The following ATAD2B variants were observed in gnomAD, a reference collection of about 807,000 sequenced individuals.
ATAD2B encodes ATPase family AAA domain containing 2B, also known as ATPase family AAA domain-containing protein 2B.
A neutral mutation model predicts 167.6 loss-of-function variants in ATAD2B; 40 were observed. The ratio of observed to expected loss-of-function variants is 0.24; its 90% CI spans 0.19 to 0.31. The LOEUF is 0.31. Ranked by LOEUF, ATAD2B falls within the 10% of genes least tolerant of loss-of-function variation. The pLI, the probability that ATAD2B is intolerant of heterozygous loss-of-function variation, is 1.00. For missense variants in ATAD2B, 1,242 were observed against 1,757.2 expected (o/e 0.71, Z 5.24); for synonymous variants, 579 against 596.5 (o/e 0.97, Z 0.43).
chr2:23,805,520 G>A (rs935155853), intron 18 of ATAD2B, among the ~76,000 whole-genome samples: 1 of 152,004 alleles, frequency 6.6e-6, no homozygotes, highest in African/African-American at 2.4e-5. Context: ...TTTATGTTTC[G>A]TGTGGCAATT....
intron 10 of ATAD2B, among the ~76,000 whole-genome samples, chr2:23,866,912 ATAC>A (rs1695221333): frequency 6.6e-6 from 1 of 152,198 alleles, no homozygotes. Flanking sequence ...CCAAAATAAG[ATAC>A]TACTAACAAT....
At chr2:23,692,202 T>C in the ATAD2B span, among the ~76,000 whole-genome samples, 2 of 152,262 alleles carry the variant, frequency 1.3e-5, no homozygotes, top group East Asian at 3.8e-4. Flanking sequence ...GCTATGGCCC[T>C]GGCCTCACAG....
At chr2:23,704,557 AG>A in the ATAD2B span, among the ~76,000 whole-genome samples, 1 of 152,242 alleles carries the variant, frequency 6.6e-6, no homozygotes, top group African/African-American at 2.4e-5. Context: ...AGTTGAGATC[AG>A]GAGTTCAAGA....
chr2:23,908,241 T>C (rs886333420), intron 1 of ATAD2B, among the ~76,000 whole-genome samples: 15 of 151,910 alleles, frequency 9.9e-5, no homozygotes, highest in African/African-American at 3.6e-4. Flanking sequence ...AACCTACTCA[T>C]CTGACAAAGG....
chr2:23,703,334 G>A, the ATAD2B span: 34 of 1,540,794 alleles, frequency 2.2e-5, no homozygotes, highest in Non-Finnish European at 2.7e-5. Context: ...CCAGTCTTAC[G>A]TTCCTCAGAC....
chr2:23,768,177 TTAAAG>T lies in ATAD2B; in HGVS notation c.3134-2554_3134-2550del, dbSNP rs201344211. Among the ~76,000 whole-genome samples, 1,457 of 152,316 alleles carry T rather than the reference TTAAAG, an allele frequency of 9.6e-3. 13 individuals are homozygous for T. The highest frequency in any genetic ancestry group is 0.016 in the Non-Finnish European group (1,069 of 68,032). ...TAGACATATAATAAGTTGCTCATAC[TTAAAG>T]TATACAATTTGATACATTTTGAGGT... On this transcript the variant is annotated intron_variant, in intron 22 of 27. Coordinates refer to ENST00000238789, the MANE Select transcript of ATAD2B (RefSeq NM_017552.4).
rs1383425520 is a variant in ATAD2B at position 23,788,624 on chromosome 2, C to T, written c.2664G>A (p.Gln888=). 2 of 1,597,498 alleles carry T rather than the reference C, an allele frequency of 1.3e-6. No homozygotes were observed. Among genetic ancestry groups the T allele is most frequent in the South Asian group, 2.2e-5 (2 of 90,590 alleles). Residue 888 remains glutamine (Q), a synonymous_variant, in exon 20 of 28, where the codon CAG becomes CAA. Transcript: ENST00000238789. Reference sequence around the variant, plus strand: ...TTTGAATATACAAGACCTCTTCATACTGTATTCTAAAGATACATTTAACCT... The same window carrying T: ...TTTGAATATACAAGACCTCTTCATATTGTATTCTAAAGATACATTTAACCT... ...PEEVKCIFRI[Q]YEEVLYIQRP...
At chr2:23,859,998 T>G (rs13020789) in intron 12 of ATAD2B, among the ~76,000 whole-genome samples, 3 of 151,252 alleles carry the variant, frequency 2.0e-5, no homozygotes, top group African/African-American at 7.3e-5. Flanking sequence ...TATTGGGAGG[T>G]AGGACCTTTA....
chr2:23,730,326 A>C, the ATAD2B span, among the ~76,000 whole-genome samples: 5 of 152,236 alleles, frequency 3.3e-5, no homozygotes, highest in African/African-American at 1.2e-4. Context: ...CAAAGAAGAA[A>C]TCTCAAGGGA....
At position 23,926,958 on chromosome 2, in the gene ATAD2B, G is replaced by A. The variant is rs1165268079; in HGVS notation, c.-188C>T. 6.1e-6 allele frequency: 4 copies of A among 660,306 alleles called. No individual in the cohort carries two copies. The highest frequency in any genetic ancestry group is 3.9e-5 in the African/African-American group (2 of 51,570). 40.9% of individuals were successfully genotyped at this position (660,306 alleles called of 1,614,324 possible). On this transcript the variant is annotated 5_prime_UTR_variant, in exon 1 of 28. Coordinates refer to ENST00000238789, the MANE Select transcript of ATAD2B (RefSeq NM_017552.4). ...GGAAGGGAAGTCGGCGTGAGCAGGC[G>A]GCGTGCGGGAAGCGGGGGCGGTGCT...
chr2:23,784,578 T>C (rs1680530263), intron 21 of ATAD2B, among the ~76,000 whole-genome samples: 1 of 152,152 alleles, frequency 6.6e-6, no homozygotes, highest in African/African-American at 2.4e-5. Context: ...AGAAAAGAGT[T>C]TTCCTGAGCA....
chr2:23,773,062 G>T (rs1299603221), intron 22 of ATAD2B, among the ~76,000 whole-genome samples: 5 of 152,134 alleles, frequency 3.3e-5, no homozygotes, highest in Non-Finnish European at 5.9e-5. Flanking sequence ...TTTTTCATGT[G>T]CCTATCATTA....
intron 24 of ATAD2B, among the ~76,000 whole-genome samples, chr2:23,761,935 G>A (rs767046958): frequency 1.3e-5 from 2 of 152,042 alleles, no homozygotes; most frequent in African/African-American, 2.4e-5. Flanking sequence ...GGCTCCACAT[G>A]GCTATCCAAA....
At chr2:23,742,246 C>T in the ATAD2B span, among the ~76,000 whole-genome samples, 7 of 152,164 alleles carry the variant, frequency 4.6e-5, no homozygotes, top group East Asian at 1.3e-3. Context: ...TATAAAGACA[C>T]ATGCACATGT....
At chr2:23,870,197 A>G (rs1695718003) in intron 8 of ATAD2B, among the ~76,000 whole-genome samples, 2 of 138,780 alleles carry the variant, frequency 1.4e-5, no homozygotes. Flanking sequence ...ACAGAGCAAG[A>G]CTCCTTCTCG....
intron 19 of ATAD2B, among the ~76,000 whole-genome samples, chr2:23,795,836 G>C (rs1399860840): frequency 1.3e-5 from 2 of 151,026 alleles, no homozygotes; most frequent in African/African-American, 4.9e-5. Context: ...CCAAGATCAC[G>C]CCACTACACT....
Position 23,758,151 on chromosome 2 carries a change from C to G in ATAD2B, c.3395-50G>C, listed in dbSNP as rs771033226. 1.7e-5 allele frequency: 23 copies of G among 1,369,218 alleles called. No individual in the cohort carries two copies. In the East Asian group the frequency reaches 5.1e-4, roughly 31 times the overall value. 84.8% of individuals were successfully genotyped at this position (1,369,218 alleles called of 1,614,324 possible). ...ATATGTAGAACTTGGAATGCAATAC[C>G]AATTTTACATATGTTTATTAAACAG... On this transcript the variant is annotated intron_variant, in intron 24 of 27. Transcript: ENST00000238789.
downstream of ATAD2B, among the ~76,000 whole-genome samples, chr2:23,746,360 T>C (rs1394550775): frequency 2.6e-5 from 4 of 152,218 alleles, no homozygotes; most frequent in Non-Finnish European, 5.9e-5. Flanking sequence ...ACCTATCTCA[T>C]AAGGTTCTTG....
At chr2:23,692,102 T>C in the ATAD2B span, among the ~76,000 whole-genome samples, 4 of 152,212 alleles carry the variant, frequency 2.6e-5, no homozygotes, top group Non-Finnish European at 4.4e-5. Flanking sequence ...CATTTCTCTG[T>C]AGGTGGGAGA....
Sources: gnomAD v4.1 joint callset for allele counts (sites outside exome capture counted in the v4.1 genomes callset) on GRCh38, gnomAD v4.1.1 for gene constraint, MANE v1.5 for transcripts, NCBI Gene and HGNC (gene_info 2026-07-23, HGNC 2026-07-21) for gene names.